The following TNIP2 variants were observed in gnomAD, a reference collection of about 807,000 sequenced individuals.
The protein encoded by TNIP2 is TNFAIP3 interacting protein 2.
TNIP2 carries 30 observed loss-of-function variants against 43.7 expected under a neutral mutation model. The ratio of observed to expected loss-of-function variants is 0.69; its 90% CI spans 0.51 to 0.93. The LOEUF (loss-of-function observed/expected upper bound fraction) is 0.93, where lower values mean the gene tolerates loss of function less well. Ranked by LOEUF, TNIP2 falls within the 40% of genes least tolerant of loss-of-function variation. The probability of loss-of-function intolerance (pLI) is 0.00; values close to 1 mark genes in which losing one functional copy is unlikely to be tolerated. For missense variants in TNIP2, 599 were observed against 591.0 expected, an observed-to-expected ratio of 1.01 and a Z score of -0.14; for synonymous variants, 260 against 254.6, an observed-to-expected ratio of 1.02 and a Z score of -0.20.
Position 2,744,421 on chromosome 4 carries a change from A to G in TNIP2, c.992T>C (p.Val331Ala). The G allele has an allele frequency of 6.2e-7, 1 of 1,614,122 alleles. No individual in the cohort carries two copies. The highest frequency in any genetic ancestry group is 8.5e-7 in the Non-Finnish European group (1 of 1,179,992). The change falls in exon 5 of 6, where the codon GTC becomes GCC. Residue 331 changes from valine to alanine, a missense_variant. By Grantham distance (64) the Val-to-Ala change is moderately conservative (BLOSUM62 0). Transcript: ENST00000315423. This position sits in a 1 kb window ranked among gnomAD's most constrained non-coding sequence, Gnocchi z 5.1. ...QSRIQELEEK[V>A]ASLLHQVSWR... ...GGACACCTGGTGCAGCAAAGAGGCG[A>G]CCTTTTCCTCCAGTTCTTGAATCCT...
In TNIP2 at chr4:2,744,853, G is replaced by A. The variant is rs751000493; in HGVS notation, c.750C>T (p.Ile250=). ...GLHAQLRGLQ[I]PHEPELMRKE... is the part of the protein sequence containing the mutation. ...TCCTCATCAGCTCGGGCTCGTGGGG[G>A]ATCTGCAGCCCCCTGAGCTGCGCAT... is the stretch of plus-strand genomic sequence containing the variant. Residue 250 remains isoleucine (I), a synonymous_variant, in exon 4 of 6, where the codon ATC becomes ATT. Coordinates refer to ENST00000315423, the MANE Select transcript of TNIP2 (RefSeq NM_024309.4). This position sits in a 1 kb window ranked among gnomAD's most constrained non-coding sequence, Gnocchi z 5.1. 3.7e-6 allele frequency: 6 copies of A among 1,613,976 alleles called. No individual in the cohort carries two copies. The South Asian group carries it at 6.6e-5, about 18-fold the overall frequency.
At chr4:2,753,414 T>C (rs1456025854) in intron 1 of TNIP2, among the ~76,000 whole-genome samples, 1 of 152,092 alleles carries the variant, frequency 6.6e-6, no homozygotes, top group Non-Finnish European at 1.5e-5. Flanking sequence ...CACTCCAGCC[T>C]GGGTAACAGA....
At chr4:2,749,081 A>G (rs1472966301) in intron 1 of TNIP2, among the ~76,000 whole-genome samples, 2 of 152,234 alleles carry the variant, frequency 1.3e-5, no homozygotes, top group East Asian at 3.9e-4. Flanking sequence ...GTGAGCCACC[A>G]CGCCCTGCCA....
chr4:2,748,063 C>T, intron 1 of TNIP2, 118 bp from the exon 2 acceptor site: 1 of 1,096,282 alleles, frequency 9.1e-7, no homozygotes, highest in Non-Finnish European at 1.3e-6. Context: ...CACAAACATA[C>T]TCACTCAGAA....
At chr4:2,745,595 C>T (rs2109481765) in intron 2 of TNIP2, 60 bp from the exon 3 acceptor site, 4 of 1,248,526 alleles carry the variant, frequency 3.2e-6, no homozygotes, top group Non-Finnish European at 4.7e-6. Flanking sequence ...GGGGAGAAAG[C>T]TAGACCCAGA....
intron 1 of TNIP2, among the ~76,000 whole-genome samples, chr4:2,752,900 C>T (rs1466723514): frequency 6.6e-6 from 1 of 151,912 alleles, no homozygotes; most frequent in Admixed American, 6.6e-5. Flanking sequence ...AGAAGTTAGC[C>T]AGGTGTGGTG....
chr4:2,750,397 GATTATTATTATTATT>G (rs71644358), intron 1 of TNIP2, among the ~76,000 whole-genome samples: 23 of 145,642 alleles, frequency 1.6e-4, no homozygotes, highest in African/African-American at 2.3e-4. Context: ...CGAGAACCCT[GATTATTATTATTATT>G]ATTATTATTA....
rs200885945 is a variant in TNIP2 at position 2,756,188 on chromosome 4, C to G, written c.102G>C (p.Leu34=). 4,300 of 1,476,474 alleles carry G rather than the reference C, an allele frequency of 2.9e-3. 117 individuals carry two copies. In the African/African-American group the frequency reaches 0.055, roughly 19 times the overall value. 91.5% of individuals were successfully genotyped at this position (1,476,474 alleles called of 1,614,324 possible). ...CGTCGCGGGCAGCGAGCTGGTCCTGCAGGCGGCGCAGCCGCTGTCCGGCCT... is the reference window on the plus strand; with the variant it reads ...CGTCGCGGGCAGCGAGCTGGTCCTGGAGGCGGCGCAGCCGCTGTCCGGCCT... The part of the protein sequence containing the change: ...YHEAGQRLRR[L]QDQLAARDAL... Residue 34 remains leucine (L), a synonymous_variant, in exon 1 of 6, where the codon CTG becomes CTC. Coordinates refer to ENST00000315423, the MANE Select transcript of TNIP2 (RefSeq NM_024309.4).
At chr4:2,745,181 T>C (rs1721912973) in intron 3 of TNIP2, among the ~76,000 whole-genome samples, 1 of 152,324 alleles carries the variant, frequency 6.6e-6, no homozygotes, top group South Asian at 2.1e-4. Flanking sequence ...CGGTGCAGCT[T>C]TGCTGTCTTA....
Position 2,742,000 on chromosome 4 carries a change from CACAGACTGGG to C in TNIP2, c.*247_*256del. On this transcript the variant is annotated 3_prime_UTR_variant, in exon 6 of 6. Transcript: ENST00000315423. Reference sequence around the variant, plus strand: ...AGCTCTGGCTTAAGCCTGATGGAGACACAGACTGGGACCTCCCTCTGCCAGATGTTCCTGA... The same window carrying C: ...AGCTCTGGCTTAAGCCTGATGGAGACACCTCCCTCTGCCAGATGTTCCTGA... 2.8e-6 allele frequency: 1 copy of C among 359,038 alleles called. No homozygotes were observed. Among genetic ancestry groups the C allele is most frequent in the Non-Finnish European group, 5.0e-6 (1 of 200,616 alleles). The allele number at this position is 359,038 out of a possible 1,614,324, so 22.2% of individuals were successfully genotyped here.
At position 2,756,299 on chromosome 4, in the gene TNIP2, C is replaced by T. The variant is rs946730175; in HGVS notation, c.-10G>A. On this transcript the variant is annotated 5_prime_UTR_variant, in exon 1 of 6. Transcript: ENST00000315423. ...CCGGGTCCCGGGACATGGCTGTAGG[C>T]CCGCCCGGGAGGCCGCGCGGCCGCC... 74 of 1,238,642 alleles carry T rather than the reference C, an allele frequency of 6.0e-5. No individual in the cohort carries two copies. In the African/African-American group the frequency reaches 9.6e-4, roughly 16 times the overall value. 76.7% of individuals were successfully genotyped at this position (1,238,642 alleles called of 1,614,324 possible).
At chr4:2,755,293 TACAC>T (rs1722201655) in intron 1 of TNIP2, among the ~76,000 whole-genome samples, 2 of 151,264 alleles carry the variant, frequency 1.3e-5, no homozygotes, top group African/African-American at 2.4e-5. Flanking sequence ...ACACACAGAA[TACAC>T]ACAGCATACA....
Position 2,744,274 on chromosome 4 carries a change from C to T in TNIP2, c.1026+113G>A. 2 of 1,419,034 alleles carry T rather than the reference C, an allele frequency of 1.4e-6. No individual in the cohort carries two copies. The highest frequency in any genetic ancestry group is 2.3e-5 in the East Asian group (1 of 42,568). The allele number at this position is 1,419,034 out of a possible 1,614,324, so 87.9% of individuals were successfully genotyped here. ...CACAGCAGGGAGGGGCTCGCCACAA[C>T]CCTCATCACCAGCAAATCAGGGCCT... On this transcript the variant is annotated intron_variant, in intron 5 of 5. Transcript: ENST00000315423. The surrounding 1 kb of genome is among the most constrained non-coding windows in gnomAD (Gnocchi z 5.1).
rs1722246922 is a variant in TNIP2 at position 2,756,265 on chromosome 4, C to T, written c.25G>A (p.Gly9Ser). 1.4e-6 allele frequency: 2 copies of T among 1,427,272 alleles called. No homozygotes were observed. Among genetic ancestry groups the T allele is most frequent in the Admixed American group, 2.8e-5 (1 of 35,856 alleles). 88.4% of individuals were successfully genotyped at this position (1,427,272 alleles called of 1,614,324 possible). A position where few individuals can be genotyped will look rare whatever the true frequency, so the allele number is the denominator to read the frequency against. ...GCTGCGCGCGGGGCCTCCTCCCAGC[C>T]GCCCGACCCCGGGTCCCGGGACATG... MSRDPGSG[G>S]WEEAPRAAAA... is the part of the protein sequence containing the mutation. Residue 9 changes from glycine to serine, a missense_variant, in exon 1 of 6, where the codon GGC becomes AGC. Physicochemically the swap from Gly to Ser is moderately conservative, Grantham distance 56. Transcript: ENST00000315423.
chr4:2,746,590 C>T (rs1039450663), intron 2 of TNIP2, among the ~76,000 whole-genome samples: 2 of 152,174 alleles, frequency 1.3e-5, no homozygotes, highest in East Asian at 3.8e-4. Context: ...TCAGACCAAC[C>T]TTCTCCCCAG....
At chr4:2,742,543 T>C (rs1383608443) in intron 5 of TNIP2, 23 bp from the exon 6 acceptor site, 4 of 1,542,150 alleles carry the variant, frequency 2.6e-6, no homozygotes, top group Non-Finnish European at 3.5e-6. Flanking sequence ...CAAGGGTGTA[T>C]ATACGTGGGC....
Position 2,745,499 on chromosome 4 carries a change from C to A in TNIP2, c.604G>T (p.Val202Phe), listed in dbSNP as rs770828829. 1 of 1,613,308 alleles carries A rather than the reference C, an allele frequency of 6.2e-7. No homozygotes were observed. Among genetic ancestry groups the A allele is most frequent in the African/African-American group, 1.3e-5 (1 of 74,916 alleles). The change falls in exon 3 of 6, where the codon GTT becomes TTT. Residue 202 changes from valine (V) to phenylalanine (F), a missense_variant. Transcript: ENST00000315423. ...TTTTCTTCCTGCAACTTCTCAATAA[C>A]ACTCTGGACAGAGGTGTGCCCATCT... ...HTDGHTSVQS[V>F]IEKLQEENRL...
In TNIP2 at chr4:2,747,914, T is replaced by A; in HGVS notation, c.308A>T (p.Glu103Val). The change falls in exon 2 of 6, where the codon GAA (glutamate) becomes GTA (valine). Residue 103 changes from glutamate to valine, a missense_variant. By Grantham distance (121) the Glu-to-Val change is moderately radical (BLOSUM62 -2). Transcript: ENST00000315423. ...CAGCTGCTGCATCTCCCTCTCTTTT[T>A]CTTCTAGTCGCTCAGTCAGCCTCTC... ...EIERLTERLE[E>V]KEREMQQLLS... The A allele has an allele frequency of 1.2e-6, 2 of 1,613,268 alleles. No individual in the cohort carries two copies. Among genetic ancestry groups the A allele is most frequent in the South Asian group, 1.1e-5 (1 of 91,088 alleles).
chr4:2,756,207 C>G lies in TNIP2; in HGVS notation c.83G>C (p.Gly28Ala), dbSNP rs1365394490. The change falls in exon 1 of 6, where the codon GGA becomes GCA. Residue 28 changes from glycine to alanine, a missense_variant. Coordinates refer to ENST00000315423, the MANE Select transcript of TNIP2 (RefSeq NM_024309.4). ...GTCCTGCAGGCGGCGCAGCCGCTGT[C>G]CGGCCTCGTGGTACAGGGTGCAGAG... ...AALCTLYHEA[G>A]QRLRRLQDQL... 1.4e-5 allele frequency: 20 copies of G among 1,474,212 alleles called. No homozygotes were observed. Among genetic ancestry groups the G allele is most frequent in the Non-Finnish European group, 1.6e-5 (18 of 1,120,868 alleles). The allele number at this position is 1,474,212 out of a possible 1,614,324, so 91.3% of individuals were successfully genotyped here. A position where few individuals can be genotyped will look rare whatever the true frequency, so the allele number is the denominator to read the frequency against.
Sources: allele counts gnomAD v4.1 joint callset (sites outside exome capture counted in the v4.1 genomes callset), GRCh38; gene constraint gnomAD v4.1.1; non-coding constraint Gnocchi (gnomAD v3.1); transcripts MANE v1.5; gene names NCBI Gene and HGNC (gene_info 2026-07-23, HGNC 2026-07-21).